The following PCAT7 variants were observed in gnomAD, a reference collection of about 807,000 sequenced individuals.
PCAT7 encodes prostate cancer associated transcript 7.
intron 2 of PCAT7, chr9:94,563,380 A>C: frequency 6.2e-7 from 1 of 1,614,146 alleles, no homozygotes; most frequent in East Asian, 2.2e-5. Flanking sequence ...GGGTACAGGA[A>C]GATTCCTCCA....
At chr9:94,563,449 G>A (rs1827139208) in intron 2 of PCAT7, 4 of 1,613,684 alleles carry the variant, frequency 2.5e-6, no homozygotes, top group Non-Finnish European at 3.4e-6. Context: ...GCCCCATAGG[G>A]AGCACTGCCA....
At chr9:94,571,386 A>G in intron 2 of PCAT7, 1 of 1,399,582 alleles carries the variant, frequency 7.1e-7, no homozygotes, top group Non-Finnish European at 9.6e-7. Flanking sequence ...CCAGGACATT[A>G]TCGCAGAGAA....
At chr9:94,556,521 G>A (rs1827014712) in intron 1 of PCAT7, among the ~76,000 whole-genome samples, 1 of 152,132 alleles carries the variant, frequency 6.6e-6, no homozygotes. Context: ...GTTTTGGGTA[G>A]ATTTTTAAAA....
chr9:94,558,800 T>G, intron 1 of PCAT7: 1 of 775,902 alleles, frequency 1.3e-6, no homozygotes, highest in Non-Finnish European at 2.1e-6. Context: ...TCGTAAGCAG[T>G]TTGTTGTTGC....
intron 1 of PCAT7, chr9:94,558,817 G>T: frequency 1.1e-6 from 1 of 901,990 alleles, no homozygotes; most frequent in Non-Finnish European, 1.8e-6. Context: ...TTGCTCTTCT[G>T]TATGTGATTA....
At chr9:94,572,496 T>G (rs1827280039) in intron 2 of PCAT7, among the ~76,000 whole-genome samples, 1 of 152,342 alleles carries the variant, frequency 6.6e-6, no homozygotes, top group East Asian at 1.9e-4. Context: ...TGTTCTGACC[T>G]CATGGTCTGG....
intron 2 of PCAT7, among the ~76,000 whole-genome samples, chr9:94,565,030 ACAT>A (rs1388621822): frequency 8.5e-5 from 13 of 152,168 alleles, no homozygotes; most frequent in Non-Finnish European, 1.6e-4. Flanking sequence ...ATATAATGAA[ACAT>A]CAGTATGTAT....
chr9:94,570,191 CT>C (rs1233783983), intron 2 of PCAT7: 1 of 152,224 alleles, frequency 6.6e-6, no homozygotes, highest in African/African-American at 2.4e-5. Flanking sequence ...GCCTGGGAAT[CT>C]TTGAATTGGG....
chr9:94,559,148 G>A lies in PCAT7; in HGVS notation n.437G>A, dbSNP rs376892198. The A allele has an allele frequency of 1.1e-3, 1,815 of 1,604,172 alleles. 3 individuals are homozygous for A. Among genetic ancestry groups the A allele is most frequent in the Non-Finnish European group, 1.4e-3 (1,686 of 1,173,758 alleles). The stretch of plus-strand genomic sequence containing the variant: ...GGAGCCGGAGCTGTGGAGGAACAGA[G>A]GCAGGTGAGTAAACTCTGCAAGTGG... On this transcript the variant is annotated non_coding_transcript_exon_variant, in exon 2 of 9. Coordinates refer to ENST00000647389, the Ensembl canonical transcript of PCAT7.
intron 2 of PCAT7, chr9:94,567,377 C>T (rs141540383): frequency 1.2e-6 from 2 of 1,614,124 alleles, no homozygotes; most frequent in South Asian, 2.2e-5. Flanking sequence ...ATCTTGACAT[C>T]TTTTTCCACC....
At chr9:94,556,096 G>A (rs1827007841) in intron 1 of PCAT7, among the ~76,000 whole-genome samples, 1 of 148,450 alleles carries the variant, frequency 6.7e-6, no homozygotes, top group Admixed American at 6.7e-5. Flanking sequence ...GGGAAGGAGA[G>A]TGGCAAGGAG....
At chr9:94,574,182 C>T (rs1037754500) in intron 3 of PCAT7, among the ~76,000 whole-genome samples, 1 of 152,044 alleles carries the variant, frequency 6.6e-6, no homozygotes, top group African/African-American at 2.4e-5. Flanking sequence ...TGATCATTTT[C>T]CCAAGATAAA....
intron 2 of PCAT7, among the ~76,000 whole-genome samples, chr9:94,572,234 A>C (rs542468991): frequency 2.0e-5 from 3 of 151,984 alleles, no homozygotes; most frequent in Non-Finnish European, 2.9e-5. Context: ...GGTACATCCA[A>C]CCGGTGCAAA....
chr9:94,559,106 G>A (rs201610582), exon 2 of PCAT7: 29 of 1,613,272 alleles, frequency 1.8e-5, no homozygotes, highest in South Asian at 5.5e-5. Flanking sequence ...TGTAGGCCAC[G>A]GGATTGCATT....
intron 2 of PCAT7, among the ~76,000 whole-genome samples, chr9:94,565,515 A>G (rs1442192709): frequency 6.6e-6 from 1 of 152,174 alleles, no homozygotes; most frequent in Admixed American, 6.6e-5. Flanking sequence ...TGGGGAAAAC[A>G]TTAAGTCATA....
intron 2 of PCAT7, among the ~76,000 whole-genome samples, chr9:94,563,899 T>G (rs1457569321): frequency 6.6e-6 from 1 of 152,124 alleles, no homozygotes; most frequent in African/African-American, 2.4e-5. Context: ...GAAAAGGACA[T>G]TACATAATGG....
chr9:94,569,150 A>C (rs1009483032), intron 2 of PCAT7: 1 of 152,226 alleles, frequency 6.6e-6, no homozygotes, highest in Non-Finnish European at 1.5e-5. Context: ...AGGAAGACTC[A>C]TATCTGGGCC....
At chr9:94,572,515 C>T (rs2406666) in intron 2 of PCAT7, among the ~76,000 whole-genome samples, 73,576 of 151,624 alleles carry the variant, frequency 0.49, 18,427 homozygotes, top group African/African-American at 0.61. Context: ...GGTCTTCCAG[C>T]GCTTGACGCC....
intron 1 of PCAT7, among the ~76,000 whole-genome samples, chr9:94,558,455 C>T (rs1321514367): frequency 4.6e-5 from 7 of 152,166 alleles, no homozygotes; most frequent in East Asian, 3.9e-4. Context: ...CCACCACGCC[C>T]GGCTAATTTT....
Sources: gnomAD v4.1 joint callset for allele counts (sites outside exome capture counted in the v4.1 genomes callset) on GRCh38, gnomAD v4.1.1 for gene constraint, MANE v1.5 for transcripts, NCBI Gene and HGNC (gene_info 2026-07-23, HGNC 2026-07-21) for gene names.